Variants in DHTKD1 observed in about 807,000 individuals in gnomAD.
The protein encoded by DHTKD1 is dehydrogenase E1 and transketolase domain containing 1, also known as 2-oxoadipate dehydrogenase complex component E1.
In DHTKD1, 78 loss-of-function variants were observed where a neutral mutation model predicts 101.8. The observed-to-expected ratio is 0.77, with a 90% confidence interval of 0.64 to 0.93. The LOEUF (loss-of-function observed/expected upper bound fraction) is 0.93, where lower values mean the gene tolerates loss of function less well. DHTKD1 is among the 40% of genes least tolerant of loss of function. The probability of loss-of-function intolerance (pLI) is 0.00; values close to 1 mark genes in which losing one functional copy is unlikely to be tolerated. For synonymous variants in DHTKD1, 462 were observed against 450.3 expected, an observed-to-expected ratio of 1.03 and a Z score of -0.33; for missense variants, 1,223 against 1,161.7, an observed-to-expected ratio of 1.05 and a Z score of -0.77.
intron 1 of DHTKD1, among the ~76,000 whole-genome samples, chr10:12,070,350 T>C (rs1238487434): frequency 6.6e-6 from 1 of 152,224 alleles, no homozygotes; most frequent in Middle Eastern, 3.2e-3. Flanking sequence ...TTTGATCTGA[T>C]CATTAGATTA....
At position 12,110,510 on chromosome 10, in the gene DHTKD1, C is replaced by T. The variant is rs1411885140; in HGVS notation, c.2155-2390C>T. On this transcript the variant is annotated intron_variant, in intron 12 of 16. Transcript: ENST00000263035. The surrounding 1 kb of genome is among the most constrained non-coding windows in gnomAD (Gnocchi z 4.9). ...AGAAAGGAAAGTGTATTTATTTAAACATTTTTAATTGACAAATGTACAATT... is the reference window on the plus strand; with the variant it reads ...AGAAAGGAAAGTGTATTTATTTAAATATTTTTAATTGACAAATGTACAATT... Among the ~76,000 whole-genome samples, 1 of 152,088 alleles carries T rather than the reference C, an allele frequency of 6.6e-6. No individual in the cohort carries two copies. Among genetic ancestry groups the T allele is most frequent in the Non-Finnish European group, 1.5e-5 (1 of 68,022 alleles).
At chr10:12,091,088 A>G (rs1206866386) in intron 5 of DHTKD1, among the ~76,000 whole-genome samples, 2 of 152,052 alleles carry the variant, frequency 1.3e-5, no homozygotes, top group African/African-American at 4.8e-5. Context: ...TTCTGAAATA[A>G]AAGGTGAAAA....
intron 1 of DHTKD1, among the ~76,000 whole-genome samples, chr10:12,070,744 C>T (rs1334366457): frequency 6.6e-6 from 1 of 152,142 alleles, no homozygotes; most frequent in Non-Finnish European, 1.5e-5. Context: ...TGGCCTTGGC[C>T]TCCTAAAGTG....
chr10:12,082,865 G>A (rs185481275), intron 2 of DHTKD1, among the ~76,000 whole-genome samples: 3 of 152,138 alleles, frequency 2.0e-5, no homozygotes, highest in Non-Finnish European at 2.9e-5. Flanking sequence ...GGCCGGGTGC[G>A]GTGGCTCATG....
rs1297768377 is a variant in DHTKD1 at position 12,103,854 on chromosome 10, GCTATAA to G, written c.1897-2389_1897-2384del. ...TTTTTTTAAGTAAAAGCTTTATTGA[GCTATAA>G]CTCATACAATTCAACCTCTCAGTGT... On this transcript the variant is annotated intron_variant, in intron 10 of 16. Coordinates refer to ENST00000263035, the MANE Select transcript of DHTKD1 (RefSeq NM_018706.7). This position sits in a 1 kb window ranked among gnomAD's most constrained non-coding sequence, Gnocchi z 4.8. Among the ~76,000 whole-genome samples the G allele has an allele frequency of 3.9e-5, 6 of 152,192 alleles. No homozygotes were observed. In the East Asian group the frequency reaches 1.2e-3, roughly 29 times the overall value.
rs189586635 is a variant in DHTKD1, at chr10:12,090,679, A to G, written c.988-834A>G. Among the ~76,000 whole-genome samples the G allele has an allele frequency of 9.9e-5, 15 of 152,046 alleles. 1 individual carries two copies. Among genetic ancestry groups the G allele is most frequent in the Admixed American group, 9.9e-4 (15 of 15,224 alleles). ...TTTTATTTTATTTTGTGGAGACATG[A>G]TCTTGCTGGGTTGGCCAAGCTGGTT... On this transcript the variant is annotated intron_variant, in intron 5 of 16. Coordinates refer to ENST00000263035, the MANE Select transcript of DHTKD1 (RefSeq NM_018706.7).
Position 12,120,781 on chromosome 10 carries a change from TTA to T in DHTKD1, c.2659-3_2659-2del, listed in dbSNP as rs761529786. On this transcript the variant is annotated splice_polypyrimidine_tract_variant and splice_region_variant and intron_variant, in intron 16 of 16. Coordinates refer to ENST00000263035, the MANE Select transcript of DHTKD1 (RefSeq NM_018706.7). Reference sequence around the variant, plus strand: ...TCATTTTATTTCTTCTCTGCTGCACTTATAGCTCCGTCTGGTGGGCCGGCCCC... The same window carrying T: ...TCATTTTATTTCTTCTCTGCTGCACTTAGCTCCGTCTGGTGGGCCGGCCCC... 5.3e-5 allele frequency: 86 copies of T among 1,613,398 alleles called. No individual in the cohort carries two copies. The African/African-American group carries it at 9.7e-4, about 18-fold the overall frequency.
intron 5 of DHTKD1, among the ~76,000 whole-genome samples, chr10:12,089,475 A>G (rs1299954112): frequency 6.6e-6 from 1 of 152,086 alleles, no homozygotes; most frequent in Non-Finnish European, 1.5e-5. Flanking sequence ...TTTTCCTTGC[A>G]TGGCTTATGA....
At chr10:12,096,425 G>A (rs1200807968) in intron 7 of DHTKD1, among the ~76,000 whole-genome samples, 1 of 151,914 alleles carries the variant, frequency 6.6e-6, no homozygotes, top group Non-Finnish European at 1.5e-5. Context: ...TTGCTCTGTC[G>A]CCCAGGCTGT....
intron 16 of DHTKD1, among the ~76,000 whole-genome samples, chr10:12,120,571 C>T (rs552205563): frequency 6.6e-6 from 1 of 152,018 alleles, no homozygotes; most frequent in Admixed American, 6.6e-5. Context: ...CTCCTGACCT[C>T]GTGATCCGCC....
intron 12 of DHTKD1, among the ~76,000 whole-genome samples, chr10:12,112,446 C>T (rs1170455152): frequency 6.6e-6 from 1 of 152,088 alleles, no homozygotes. Context: ...TCCTTGCCCT[C>T]AATTTTTCAA....
rs995016065 is a variant in DHTKD1 at position 12,107,147 on chromosome 10, C to T, written c.2047+751C>T. Among the ~76,000 whole-genome samples, 3 of 151,392 alleles carry T rather than the reference C, an allele frequency of 2.0e-5. No individual in the cohort carries two copies. Among genetic ancestry groups the T allele is most frequent in the Admixed American group, 6.6e-5 (1 of 15,214 alleles). On this transcript the variant is annotated intron_variant, in intron 11 of 16. Coordinates refer to ENST00000263035, the MANE Select transcript of DHTKD1 (RefSeq NM_018706.7). This position sits in a 1 kb window ranked among gnomAD's most constrained non-coding sequence, Gnocchi z 4.1. ...CTACATAGGCGCTGGTCACCACGCC[C>T]GGCTAATTTTTTGTATTTTTAGTAG...
chr10:12,086,517 C>G (rs912222722), intron 3 of DHTKD1, among the ~76,000 whole-genome samples: 3 of 151,446 alleles, frequency 2.0e-5, no homozygotes, highest in Admixed American at 1.3e-4. Context: ...CCGCGCCCAG[C>G]CTAAAATGTG....
intron 1 of DHTKD1, among the ~76,000 whole-genome samples, chr10:12,079,751 T>C (rs1832786607): frequency 6.6e-6 from 1 of 152,146 alleles, no homozygotes; most frequent in Non-Finnish European, 1.5e-5. Context: ...TAGCCACAAA[T>C]ATAAAGGTTT....
At position 12,107,360 on chromosome 10, in the gene DHTKD1, A is replaced by G. The variant is rs1833265912; in HGVS notation, c.2048-549A>G. Among the ~76,000 whole-genome samples the G allele has an allele frequency of 6.6e-6, 1 of 151,610 alleles. No homozygotes were observed. Among genetic ancestry groups the G allele is most frequent in the Non-Finnish European group, 1.5e-5 (1 of 67,906 alleles). On this transcript the variant is annotated intron_variant, in intron 11 of 16. Coordinates refer to ENST00000263035, the MANE Select transcript of DHTKD1 (RefSeq NM_018706.7). The surrounding 1 kb of genome is among the most constrained non-coding windows in gnomAD (Gnocchi z 4.1). ...GCATGTGCTGTCCAGGAAGCTGGGA[A>G]CGTTCCCCTTTGAGTTTGTCTTCCA...
rs1454703082 is a variant in DHTKD1 at position 12,101,046 on chromosome 10, T to C, written c.1761T>C (p.Phe587=). Residue 587 remains phenylalanine (F), a synonymous_variant, in exon 10 of 17, where the codon TTT becomes TTC. Transcript: ENST00000263035. ...LALGSLLAQG[F]NVRLSGQDVG... ...TTTTTTTCTTGCTTGCTTAAGGTTT[T>C]AATGTTCGTCTAAGTGGCCAAGATG... is the stretch of plus-strand genomic sequence containing the variant. The C allele has an allele frequency of 1.9e-6, 3 of 1,613,818 alleles. No individual in the cohort carries two copies. The highest frequency in any genetic ancestry group is 2.5e-6 in the Non-Finnish European group (3 of 1,179,946).
At chr10:12,118,309 G>A (rs985590104) in intron 14 of DHTKD1, among the ~76,000 whole-genome samples, 2 of 151,894 alleles carry the variant, frequency 1.3e-5, no homozygotes, top group Non-Finnish European at 2.9e-5. Context: ...ACTGAACTCG[G>A]CTGCAGAGAC....
At chr10:12,095,822 AAAAAAAAAAAAG>A (rs1242027163) in intron 7 of DHTKD1, among the ~76,000 whole-genome samples, 3 of 141,708 alleles carry the variant, frequency 2.1e-5, no homozygotes, top group East Asian at 2.0e-4. Context: ...CAAAAAAAAA[AAAAAAAAAAAAG>A]AAAAGAAAAG....
intron 2 of DHTKD1, among the ~76,000 whole-genome samples, chr10:12,082,779 C>T (rs771357197): frequency 1.1e-4 from 16 of 152,040 alleles, no homozygotes; most frequent in Non-Finnish European, 1.2e-4. Context: ...TCTTAACTTC[C>T]TCAAAAGACC....
Sources: gnomAD v4.1 joint callset for allele counts (sites outside exome capture counted in the v4.1 genomes callset) on GRCh38, gnomAD v4.1.1 for gene constraint, Gnocchi (gnomAD v3.1) non-coding constraint, MANE v1.5 for transcripts, NCBI Gene and HGNC (gene_info 2026-07-23, HGNC 2026-07-21) for gene names.